REDIC1: variants seen among roughly 807,000 people sequenced by gnomAD.
REDIC1 encodes regulator of DNA class I crossover intermediates 1.
the REDIC1 span, among the ~76,000 whole-genome samples, chr12:39,866,503 C>T: frequency 4.0e-5 from 6 of 151,644 alleles, no homozygotes; most frequent in Non-Finnish European, 7.4e-5. Context: ...TTTTTTGAGA[C>T]GGAGTCTCGC....
At chr12:39,685,328 G>A in the REDIC1 span, among the ~76,000 whole-genome samples, 29 of 152,100 alleles carry the variant, frequency 1.9e-4, no homozygotes, top group African/African-American at 6.3e-4. Flanking sequence ...GATTGGTTTC[G>A]GGCAGGCCTC....
chr12:39,670,363 G>A, the REDIC1 span, among the ~76,000 whole-genome samples: 2 of 152,148 alleles, frequency 1.3e-5, no homozygotes, highest in Non-Finnish European at 2.9e-5. Context: ...GCTAATTTTT[G>A]TATTTTTAGT....
chr12:39,813,854 G>A, the REDIC1 span, among the ~76,000 whole-genome samples: 1 of 152,138 alleles, frequency 6.6e-6, no homozygotes, highest in African/African-American at 2.4e-5. Context: ...CCCTACACAG[G>A]CATTTTAAAA....
the REDIC1 span, among the ~76,000 whole-genome samples, chr12:39,765,246 T>G: frequency 1.3e-5 from 2 of 151,978 alleles, no homozygotes; most frequent in African/African-American, 4.8e-5. Context: ...TCTGATAAAA[T>G]GGGGATAATA....
chr12:39,713,660 C>T, the REDIC1 span, among the ~76,000 whole-genome samples: 2 of 136,156 alleles, frequency 1.5e-5, no homozygotes, highest in African/African-American at 2.8e-5. Flanking sequence ...TGTATACATG[C>T]GTATATACAT....
At chr12:39,759,708 T>C in the REDIC1 span, 6 of 245,092 alleles carry the variant, frequency 2.4e-5, no homozygotes, top group Non-Finnish European at 4.7e-5. Flanking sequence ...TAATTATAAA[T>C]GGTCTTAGGA....
chr12:39,752,193 G>A, the REDIC1 span, among the ~76,000 whole-genome samples: 1 of 152,286 alleles, frequency 6.6e-6, no homozygotes, highest in Middle Eastern at 3.4e-3. Context: ...ACGCATATTG[G>A]TTTGTGGCCT....
At chr12:39,733,728 C>T in the REDIC1 span, among the ~76,000 whole-genome samples, 2 of 152,188 alleles carry the variant, frequency 1.3e-5, no homozygotes, top group African/African-American at 4.8e-5. Context: ...CTACTCAGTC[C>T]TAGTAATGGA....
At chr12:39,859,433 C>A in the REDIC1 span, among the ~76,000 whole-genome samples, 4 of 150,386 alleles carry the variant, frequency 2.7e-5, no homozygotes, top group African/African-American at 9.8e-5. Context: ...ATGCCACTGT[C>A]CTGGTGAGGC....
the REDIC1 span, among the ~76,000 whole-genome samples, chr12:39,693,252 G>A: frequency 6.6e-6 from 1 of 151,824 alleles, no homozygotes; most frequent in Non-Finnish European, 1.5e-5. Context: ...GTTTCATGTC[G>A]ATCTGGTACT....
At chr12:39,896,232 ATG>A in the REDIC1 span, among the ~76,000 whole-genome samples, 1 of 134,570 alleles carries the variant, frequency 7.4e-6, no homozygotes, top group South Asian at 2.3e-4. Context: ...ATATATGCAT[ATG>A]TGTATATATG....
At chr12:39,673,523 G>A in the REDIC1 span, among the ~76,000 whole-genome samples, 1 of 152,130 alleles carries the variant, frequency 6.6e-6, no homozygotes, top group Non-Finnish European at 1.5e-5. Flanking sequence ...GGGCCCTTTT[G>A]TACTTTATAG....
At chr12:39,758,594 T>G in the REDIC1 span, 1 of 151,930 alleles carries the variant, frequency 6.6e-6, no homozygotes, top group African/African-American at 2.4e-5. Flanking sequence ...AAAGCAAAAA[T>G]TAAGAGTTCA....
At chr12:39,650,328 T>TG in the REDIC1 span, 1 of 1,611,384 alleles carries the variant, frequency 6.2e-7, no homozygotes, top group Non-Finnish European at 8.5e-7. This position sits in a 1 kb window ranked among gnomAD's most constrained non-coding sequence, Gnocchi z 4.3. Context: ...CTACACGATT[T>TG]GGGACATTAT....
At chr12:39,749,441 C>T in the REDIC1 span, among the ~76,000 whole-genome samples, 2 of 151,856 alleles carry the variant, frequency 1.3e-5, no homozygotes, top group South Asian at 2.1e-4. Flanking sequence ...GCCTACCAAC[C>T]AAAAAAATTC....
the REDIC1 span, among the ~76,000 whole-genome samples, chr12:39,867,815 A>T: frequency 6.6e-5 from 10 of 152,170 alleles, no homozygotes; most frequent in African/African-American, 1.7e-4. Flanking sequence ...CAACCTCTGA[A>T]TCAGAGTCTC....
chr12:39,869,745 GA>G, the REDIC1 span, among the ~76,000 whole-genome samples: 1 of 152,348 alleles, frequency 6.6e-6, no homozygotes, highest in South Asian at 2.1e-4. Flanking sequence ...ACATAGGCCA[GA>G]AGAGTTCAGG....
At chr12:39,790,544 T>C in the REDIC1 span, among the ~76,000 whole-genome samples, 2 of 149,700 alleles carry the variant, frequency 1.3e-5, no homozygotes, top group Non-Finnish European at 3.0e-5. Flanking sequence ...ACAAAGGACA[T>C]GAACTCATCC....
At chr12:39,749,846 G>T in the REDIC1 span, among the ~76,000 whole-genome samples, 1 of 152,102 alleles carries the variant, frequency 6.6e-6, no homozygotes, top group Non-Finnish European at 1.5e-5. Context: ...ATGCAGAAAA[G>T]GCCTTTGAGA....
Sources: allele counts gnomAD v4.1 joint callset (sites outside exome capture counted in the v4.1 genomes callset), GRCh38; gene constraint gnomAD v4.1.1; non-coding constraint Gnocchi (gnomAD v3.1); transcripts MANE v1.5; gene names NCBI Gene and HGNC (gene_info 2026-07-23, HGNC 2026-07-21).